ACAP1: variants seen among roughly 807,000 people sequenced by gnomAD.
ACAP1 encodes the protein arf-GAP with coiled-coil, ANK repeat and PH domain-containing protein 1.
A neutral mutation model predicts 98.8 loss-of-function variants in ACAP1; 45 were observed. The observed-to-expected ratio is 0.46, with a 90% confidence interval of 0.36 to 0.58. The LOEUF is 0.58. ACAP1 is among the 20% of genes least tolerant of loss of function. The pLI is 0.00. For missense variants in ACAP1, 735 were observed against 971.4 expected, an observed-to-expected ratio of 0.76 and a Z score of 3.24; for synonymous variants, 362 against 375.3, an observed-to-expected ratio of 0.96 and a Z score of 0.41.
Position 7,350,180 on chromosome 17 carries a change from A to G in ACAP1, c.2015A>G (p.Glu672Gly), listed in dbSNP as rs756574872. 17 of 1,614,038 alleles carry G rather than the reference A, an allele frequency of 1.1e-5. 1 individual carries two copies. ...RGADLGARDS[E>G]GRDPLTIAME... ...GCTGATCTGGGGGCTCGAGACTCTG[A>G]AGGCAGGGACCCTCTGACCATCGCC... The change falls in exon 20 of 22, where the codon GAA becomes GGA. Residue 672 changes from glutamate (E) to glycine (G), a missense_variant. This residue lies in a region of ACAP1 where 142 missense variants were observed against 224.1 expected (regional missense o/e 0.63). Coordinates refer to ENST00000158762, the MANE Select transcript of ACAP1 (RefSeq NM_014716.4). This position sits in a 1 kb window ranked among gnomAD's most constrained non-coding sequence, Gnocchi z 4.6.
Position 7,348,303 on chromosome 17 carries a change from C to A in ACAP1, c.1509-3C>A. ...AAGACTGCGTGCTTCTCCCCTCCCA[C>A]AGGCAGGAGAAGGAGGCCTGGATTC... On this transcript the variant is annotated splice_polypyrimidine_tract_variant and splice_region_variant and intron_variant, in intron 16 of 21. Coordinates refer to ENST00000158762, the MANE Select transcript of ACAP1 (RefSeq NM_014716.4). 6.3e-7 allele frequency: 1 copy of A among 1,589,934 alleles called. No homozygotes were observed. Among genetic ancestry groups the A allele is most frequent in the South Asian group, 1.1e-5 (1 of 88,670 alleles).
At position 7,343,280 on chromosome 17, in the gene ACAP1, CAG is replaced by C. The variant is rs2073310548; in HGVS notation, c.345-95_345-94del. On this transcript the variant is annotated intron_variant, in intron 5 of 21. Transcript: ENST00000158762. The surrounding 1 kb of genome is among the most constrained non-coding windows in gnomAD (Gnocchi z 4.9). ...GGATCACCTTGGGTTTCCCACGTTG[CAG>C]AGACTAACTGAAAGGACATGAGGGC... The C allele has an allele frequency of 8.4e-6, 11 of 1,309,668 alleles. No individual in the cohort carries two copies. In the East Asian group the frequency reaches 2.6e-4, roughly 31 times the overall value. 81.1% of individuals were successfully genotyped at this position (1,309,668 alleles called of 1,614,324 possible).
intron 18 of ACAP1, 176 bp from the exon 19 acceptor site, chr17:7,349,769 A>G: frequency 1.8e-6 from 1 of 558,048 alleles, no homozygotes; most frequent in East Asian, 2.8e-5. Context: ...ATATATGAAT[A>G]CATGCAAAGA....
At position 7,343,820 on chromosome 17, in the gene ACAP1, G is replaced by A. The variant is rs769981393; in HGVS notation, c.574-41G>A. The A allele has an allele frequency of 3.1e-6, 5 of 1,613,850 alleles. No individual in the cohort carries two copies. The highest frequency in any genetic ancestry group is 4.2e-6 in the Non-Finnish European group (5 of 1,179,852). ...GCCAGCACAAGGGAATGGGGAGAGG[G>A]GTTCTTCCTCAGCCTTCCCACTGCC... On this transcript the variant is annotated intron_variant, in intron 7 of 21. Transcript: ENST00000158762. This position sits in a 1 kb window ranked among gnomAD's most constrained non-coding sequence, Gnocchi z 4.9.
In ACAP1 at chr17:7,344,077, G is replaced by T; in HGVS notation, c.698G>T (p.Arg233Leu). The T allele has an allele frequency of 6.3e-7, 1 of 1,592,752 alleles. No homozygotes were observed. The highest frequency in any genetic ancestry group is 8.6e-7 in the Non-Finnish European group (1 of 1,169,042). ...QLHQLVLNSA[R>L]EKRDMEQRHV... ...CACCAGCTGGTCTTGAATTCAGCAC[G>T]AGAGAAGAGGGACATGGAGCAGAGA... Residue 233 changes from arginine (R) to leucine (L), a missense_variant, in exon 9 of 22, where the codon CGA becomes CTA. By Grantham distance (102) the Arg-to-Leu change is moderately radical. Coordinates refer to ENST00000158762, the MANE Select transcript of ACAP1 (RefSeq NM_014716.4). The surrounding 1 kb of genome is among the most constrained non-coding windows in gnomAD (Gnocchi z 4.9).
At position 7,348,344 on chromosome 17, in the gene ACAP1, A is replaced by G; in HGVS notation, c.1547A>G (p.Glu516Gly). Reference protein sequence around the residue: ...KEAWIHAKYVEKKFLTKLPEI... With the variant: ...KEAWIHAKYVGKKFLTKLPEI... ...GCCTGGATTCACGCTAAATACGTGG[A>G]GAAGAAGTTCCTGACCAAGCTGCCT... is the stretch of plus-strand genomic sequence containing the variant. The change falls in exon 17 of 22, where the codon GAG (glutamate) becomes GGG (glycine). Residue 516 changes from glutamate (E) to glycine (G), a missense_variant. Around this residue, in one of 5 missense-constraint regions of ACAP1, gnomAD observed 81 missense variants for 132.0 expected, o/e 0.61. Coordinates refer to ENST00000158762, the MANE Select transcript of ACAP1 (RefSeq NM_014716.4). 1 of 1,574,700 alleles carries G rather than the reference A, an allele frequency of 6.4e-7. No individual in the cohort carries two copies. Among genetic ancestry groups the G allele is most frequent in the South Asian group, 1.2e-5 (1 of 86,322 alleles).
chr17:7,336,814 A>G lies in ACAP1; in HGVS notation c.53+27A>G, dbSNP rs770967850. 4.8e-5 allele frequency: 78 copies of G among 1,612,072 alleles called. No homozygotes were observed. In the Admixed American group the frequency reaches 1.3e-3, roughly 27 times the overall value. On this transcript the variant is annotated intron_variant, in intron 1 of 21. Coordinates refer to ENST00000158762, the MANE Select transcript of ACAP1 (RefSeq NM_014716.4). Reference sequence around the variant, plus strand: ...TAAGTGTGAACTGGTCTGGGGGGCTAAGGAGGGGAAAGTCTAACACCCCCA... The same window carrying G: ...TAAGTGTGAACTGGTCTGGGGGGCTGAGGAGGGGAAAGTCTAACACCCCCA...
chr17:7,344,543 T>C lies in ACAP1; in HGVS notation c.749T>C (p.Leu250Pro). The C allele has an allele frequency of 6.4e-7, 1 of 1,550,966 alleles. No homozygotes were observed. Among genetic ancestry groups the C allele is most frequent in the Non-Finnish European group, 8.7e-7 (1 of 1,146,834 alleles). ...TTGATCCTCTTGTGCCTCCAGGAGC[T>C]GGGTGGGGAGGAGCCAGAACCAAGC... ...QRHVLLKQKE[L>P]GGEEPEPSLR... Residue 250 changes from leucine to proline, a missense_variant, in exon 10 of 22, where the codon CTG (leucine) becomes CCG (proline). Around this residue, in one of 5 missense-constraint regions of ACAP1, gnomAD observed 430 missense variants for 531.8 expected, o/e 0.81. Transcript: ENST00000158762. This position sits in a 1 kb window ranked among gnomAD's most constrained non-coding sequence, Gnocchi z 4.9.
intron 2 of ACAP1, 68 bp from the exon 3 acceptor site, chr17:7,341,880 C>T: frequency 6.3e-7 from 1 of 1,594,412 alleles, no homozygotes; most frequent in Non-Finnish European, 8.6e-7. Flanking sequence ...GGAAGTGGGG[C>T]AGGTGTGGGG....
chr17:7,350,516 T>A lies in ACAP1; in HGVS notation c.2072+279T>A. ...CCCATCAACATTGCTGTCAGGCATC[T>A]TTTTAGCACTAGACGTGACCCCGGG... On this transcript the variant is annotated intron_variant, in intron 20 of 21. Transcript: ENST00000158762. The surrounding 1 kb of genome is among the most constrained non-coding windows in gnomAD (Gnocchi z 4.6). The A allele has an allele frequency of 1.9e-6, 1 of 524,166 alleles. No individual in the cohort carries two copies. The highest frequency in any genetic ancestry group is 3.3e-5 in the East Asian group (1 of 30,180). 32.5% of individuals were successfully genotyped at this position (524,166 alleles called of 1,614,324 possible).
intron 2 of ACAP1, 111 bp downstream of exon 2, chr17:7,337,480 A>G (rs1166995747): frequency 1.0e-6 from 1 of 1,004,420 alleles, no homozygotes. Flanking sequence ...AATACTGTGT[A>G]GGGGAGATAT....
At position 7,348,481 on chromosome 17, in the gene ACAP1, G is replaced by C; in HGVS notation, c.1678+6G>C. 6.8e-7 allele frequency: 1 copy of C among 1,466,698 alleles called. No individual in the cohort carries two copies. Among genetic ancestry groups the C allele is most frequent in the Non-Finnish European group, 9.0e-7 (1 of 1,107,640 alleles). The allele number at this position is 1,466,698 out of a possible 1,614,324, so 90.9% of individuals were successfully genotyped here. A position where few individuals can be genotyped will look rare whatever the true frequency, so the allele number is the denominator to read the frequency against. ...GAGCTTGAGATCCAAGCCAGGTATA[G>C]GGTTGGTTGGGCATTCATTGAGCAT... On this transcript the variant is annotated splice_donor_region_variant and intron_variant, in intron 17 of 21. Transcript: ENST00000158762.
chr17:7,346,405 G>A lies in ACAP1; in HGVS notation c.921G>A (p.Val307=), dbSNP rs1384277001. 6.2e-7 allele frequency: 1 copy of A among 1,613,896 alleles called. No homozygotes were observed. The highest frequency in any genetic ancestry group is 2.2e-5 in the East Asian group (1 of 44,894). The change falls in exon 12 of 22, where the codon GTG becomes GTA. Residue 307 remains valine (V), a synonymous_variant. Coordinates refer to ENST00000158762, the MANE Select transcript of ACAP1 (RefSeq NM_014716.4). ...TATCCTGCCAGGACCCTGTGACTGT[G>A]GTGGTGGATGACCTTCGTCTCTGCA... ...YQKKYKDPVT[V]VVDDLRLCTV... is the part of the protein sequence containing the mutation.
At position 7,343,643 on chromosome 17, in the gene ACAP1, G is replaced by T. The variant is rs539257841; in HGVS notation, c.529-63G>T. On this transcript the variant is annotated intron_variant, in intron 6 of 21. Coordinates refer to ENST00000158762, the MANE Select transcript of ACAP1 (RefSeq NM_014716.4). The surrounding 1 kb of genome is among the most constrained non-coding windows in gnomAD (Gnocchi z 4.9). ...GCTTGGGGGTCTCCAGTGTGCAGTG[G>T]GAAGGGGTGCTGTGTCTTCAAGACT... The T allele has an allele frequency of 6.3e-7, 1 of 1,598,992 alleles. No individual in the cohort carries two copies. Among genetic ancestry groups the T allele is most frequent in the African/African-American group, 1.3e-5 (1 of 74,836 alleles).
Position 7,350,300 on chromosome 17 carries a change from T to G in ACAP1, c.2072+63T>G. 106 of 1,190,606 alleles carry G rather than the reference T, an allele frequency of 8.9e-5. No individual in the cohort carries two copies. Among genetic ancestry groups the G allele is most frequent in the Non-Finnish European group, 1.1e-4 (89 of 829,542 alleles). The allele number at this position is 1,190,606 out of a possible 1,614,324, so 73.8% of individuals were successfully genotyped here. On this transcript the variant is annotated intron_variant, in intron 20 of 21. Transcript: ENST00000158762. The surrounding 1 kb of genome is among the most constrained non-coding windows in gnomAD (Gnocchi z 4.6). ...TCCCCCCACCCCCGCCCACCCACGTTCGGGCGGGCGGGCGGGGCTGACGCC... is the reference window on the plus strand; with the variant it reads ...TCCCCCCACCCCCGCCCACCCACGTGCGGGCGGGCGGGCGGGGCTGACGCC...
intron 1 of ACAP1, 102 bp from the exon 2 acceptor site, chr17:7,337,210 G>A: frequency 1.8e-6 from 2 of 1,113,248 alleles, no homozygotes; most frequent in South Asian, 2.6e-5. Context: ...CAACTCTGCA[G>A]CTTTCTCCTC....
At chr17:7,349,332 G>T in intron 18 of ACAP1, 165 bp downstream of exon 18, 1 of 742,996 alleles carries the variant, frequency 1.3e-6, no homozygotes, top group Non-Finnish European at 2.1e-6. Flanking sequence ...GTGATTTGGA[G>T]GCAGAGAACC....
rs1477902401 is a variant in ACAP1 at position 7,347,984 on chromosome 17, T to A, written c.1406T>A (p.Leu469Gln). 1 of 1,614,014 alleles carries A rather than the reference T, an allele frequency of 6.2e-7. No individual in the cohort carries two copies. Among genetic ancestry groups the A allele is most frequent in the Non-Finnish European group, 8.5e-7 (1 of 1,179,986 alleles). The change falls in exon 15 of 22, where the codon CTA (leucine) becomes CAA (glutamine). Residue 469 changes from leucine to glutamine, a missense_variant. Leu to Gln is a moderately radical substitution (Grantham distance 113, BLOSUM62 -2). Around this residue, in one of 5 missense-constraint regions of ACAP1, gnomAD observed 81 missense variants for 132.0 expected, o/e 0.61. Coordinates refer to ENST00000158762, the MANE Select transcript of ACAP1 (RefSeq NM_014716.4). The part of the protein sequence containing the change: ...SLTLDSWEPE[L>Q]VKLMCELGNV... ...ACCCTTGACTCATGGGAGCCAGAAC[T>A]AGTGAAGGTAACTTAGCGTATTGTG...
rs370193152 is a variant in ACAP1 at position 7,350,000 on chromosome 17, C to T, written c.1907C>T (p.Ala636Val). 5.5e-5 allele frequency: 89 copies of T among 1,613,358 alleles called. No individual in the cohort carries two copies. Among genetic ancestry groups the T allele is most frequent in the Admixed American group, 1.8e-4 (11 of 59,970 alleles). ...CAGAACGGGGCGAACGTGAACCAAG[C>T]GGACAGTGCGGGCCGGGGCCCGCTG... ...LLQNGANVNQ[A>V]DSAGRGPLHH... The change falls in exon 19 of 22, where the codon GCG (alanine) becomes GTG (valine). Residue 636 changes from alanine (A) to valine (V), a missense_variant. By Grantham distance (64) the Ala-to-Val change is moderately conservative (BLOSUM62 0). This residue lies in a region of ACAP1 where 142 missense variants were observed against 224.1 expected (regional missense o/e 0.63). Transcript: ENST00000158762.
Sources: gnomAD v4.1 joint callset for allele counts on GRCh38, gnomAD v4.1.1 for gene constraint, gnomAD v4.1.1 regional missense constraint, Gnocchi (gnomAD v3.1) non-coding constraint, MANE v1.5 for transcripts, NCBI Gene and HGNC (gene_info 2026-07-23, HGNC 2026-07-21) for gene names.